The following ITK variants were observed in gnomAD, a reference collection of about 807,000 sequenced individuals.
The protein encoded by ITK is IL2 inducible T cell kinase, also known as tyrosine-protein kinase ITK/TSK.
ITK carries 45 observed loss-of-function variants against 87.6 expected under a neutral mutation model. That is an observed-to-expected ratio of 0.51 (90% CI 0.40 to 0.66). The LOEUF is 0.66. Ranked by LOEUF, ITK falls within the 30% of genes least tolerant of loss-of-function variation. The pLI is 0.00. For missense variants in ITK, 605 were observed against 766.3 expected, an observed-to-expected ratio of 0.79 and a Z score of 2.48; for synonymous variants, 303 against 273.6, an observed-to-expected ratio of 1.11 and a Z score of -1.06.
At chr5:157,225,393 T>C (rs1301645549) in intron 6 of ITK, among the ~76,000 whole-genome samples, 2 of 152,068 alleles carry the variant, frequency 1.3e-5, no homozygotes, top group East Asian at 3.8e-4. Flanking sequence ...AAATTTACCT[T>C]CCTGCTAACA....
intron 8 of ITK, among the ~76,000 whole-genome samples, chr5:157,236,922 A>G (rs1754786491): frequency 6.6e-6 from 1 of 152,186 alleles, no homozygotes; most frequent in African/African-American, 2.4e-5. Flanking sequence ...AAAGGGCCTA[A>G]GAAATATATT....
Position 157,207,377 on chromosome 5 carries a change from C to CTTTT in ITK, c.139-1488_139-1485dup, listed in dbSNP as rs536290068. Among the ~76,000 whole-genome samples, 366 of 59,126 alleles carry CTTTT rather than the reference C, an allele frequency of 6.2e-3. 76 individuals carry two copies. Among genetic ancestry groups the CTTTT allele is most frequent in the South Asian group, 0.016 (16 of 992 alleles). The allele number at this position is 59,126 out of a possible 152,430, so 38.8% of individuals were successfully genotyped here. ...CTTTATCACGTATCTAGATACGTCTCTTTTTTTTTTTTTTTTTTTTTTTTT... is the reference window on the plus strand; with the variant it reads ...CTTTATCACGTATCTAGATACGTCTCTTTTTTTTTTTTTTTTTTTTTTTTTTTTT... On this transcript the variant is annotated intron_variant, in intron 1 of 16. Coordinates refer to ENST00000422843, the MANE Select transcript of ITK (RefSeq NM_005546.4).
At chr5:157,183,176 T>C (rs1193741750) in intron 1 of ITK, among the ~76,000 whole-genome samples, 1 of 152,138 alleles carries the variant, frequency 6.6e-6, no homozygotes, top group East Asian at 1.9e-4. Flanking sequence ...CCAAGTTCCC[T>C]GAAAAAGGTA....
chr5:157,233,771 A>G (rs1330577105), intron 8 of ITK, among the ~76,000 whole-genome samples: 2 of 151,524 alleles, frequency 1.3e-5, no homozygotes, highest in Non-Finnish European at 2.9e-5. Context: ...GTTTTGTTAT[A>G]TTAATCACAC....
chr5:157,208,895 C>A lies in ITK; in HGVS notation c.145C>A (p.Arg49Ser). The A allele has an allele frequency of 3.1e-6, 5 of 1,611,330 alleles. No homozygotes were observed. Among genetic ancestry groups the A allele is most frequent in the Non-Finnish European group, 4.2e-6 (5 of 1,177,542 alleles). Residue 49 changes from arginine to serine, a missense_variant, in exon 2 of 17, where the codon CGC becomes AGC. Physicochemically the swap from Arg to Ser is moderately radical, Grantham distance 110. Transcript: ENST00000422843. The part of the protein sequence containing the change: ...AYFEDRHGKK[R>S]TLKGSIELSR... ...TGTTCTTCTCTCCCCACAGAAGAAG[C>A]GCACGCTGAAGGGGTCCATTGAGCT...
In ITK at chr5:157,184,847, C is replaced by T. The variant is rs185530473; in HGVS notation, c.138+3732C>T. 6.1e-3 allele frequency among the ~76,000 whole-genome samples: 927 copies of T among 152,278 alleles called. 10 individuals carry two copies. The highest frequency in any genetic ancestry group is 0.021 in the African/African-American group (890 of 41,536). On this transcript the variant is annotated intron_variant, in intron 1 of 16. Transcript: ENST00000422843. ...CCCTCTGGAGAACTGGAAAGGTTCTCCTATTTTGATGACTCTTTGCCCCTT... is the reference window on the plus strand; with the variant it reads ...CCCTCTGGAGAACTGGAAAGGTTCTTCTATTTTGATGACTCTTTGCCCCTT...
chr5:157,240,941 C>CTTTT (rs35181977), intron 10 of ITK: 37 of 139,186 alleles, frequency 2.7e-4, no homozygotes, highest in Admixed American at 5.1e-4. Context: ...TCTTTTCTTT[C>CTTTT]TTTTTTTTTT....
chr5:157,219,182 G>A (rs952447680), intron 5 of ITK, among the ~76,000 whole-genome samples: 56 of 148,890 alleles, frequency 3.8e-4, no homozygotes, highest in Admixed American at 8.1e-4. Context: ...GCGTGATCTC[G>A]GCTCACTGCA....
chr5:157,239,951 C>A (rs1754854427), intron 9 of ITK, 111 bp from the exon 10 acceptor site: 1 of 1,081,798 alleles, frequency 9.2e-7, no homozygotes. Flanking sequence ...ATATCTGCCA[C>A]CTTGTGAGAG....
At chr5:157,193,377 TACAAGCATG>T (rs1256886683) in intron 1 of ITK, among the ~76,000 whole-genome samples, 1 of 152,140 alleles carries the variant, frequency 6.6e-6, no homozygotes, top group Non-Finnish European at 1.5e-5. Context: ...GTTGTCAAAA[TACAAGCATG>T]ACCCCAAGAA....
At chr5:157,185,041 T>C (rs1293075047) in intron 1 of ITK, among the ~76,000 whole-genome samples, 1 of 152,158 alleles carries the variant, frequency 6.6e-6, no homozygotes, top group East Asian at 1.9e-4. Flanking sequence ...AACCATCTCC[T>C]GCTTGCAGCA....
intron 4 of ITK, among the ~76,000 whole-genome samples, chr5:157,214,568 T>C (rs1461741336): frequency 1.3e-5 from 2 of 152,032 alleles, no homozygotes; most frequent in Non-Finnish European, 2.9e-5. Context: ...TAGGAGTTAG[T>C]TAGAAATGCA....
chr5:157,213,117 G>A (rs2113755034), intron 3 of ITK, among the ~76,000 whole-genome samples: 1 of 152,258 alleles, frequency 6.6e-6, no homozygotes, highest in South Asian at 2.1e-4. Flanking sequence ...TGTATGGCTG[G>A]GAGGCCTCAG....
chr5:157,232,983 C>T (rs1463782618), intron 8 of ITK, among the ~76,000 whole-genome samples: 1 of 152,204 alleles, frequency 6.6e-6, no homozygotes, highest in Non-Finnish European at 1.5e-5. Flanking sequence ...ATTTCATCAA[C>T]AGTTATCCTC....
At chr5:157,236,966 G>A (rs1754787986) in intron 8 of ITK, among the ~76,000 whole-genome samples, 1 of 152,102 alleles carries the variant, frequency 6.6e-6, no homozygotes, top group Admixed American at 6.5e-5. Flanking sequence ...CTGTTGGTAG[G>A]AATGTTCATT....
intron 10 of ITK, chr5:157,240,550 A>C (rs907895571): frequency 1.2e-4 from 40 of 347,366 alleles, no homozygotes; most frequent in Non-Finnish European, 2.0e-4. Context: ...TTGAATTGCT[A>C]TCAAGGAATA....
In ITK at chr5:157,222,998, G is replaced by C. The variant is rs142038079; in HGVS notation, c.631G>C (p.Val211Leu). Residue 211 changes from valine (V) to leucine (L), a missense_variant, in exon 6 of 17, where the codon GTC becomes CTC. This residue lies in a region of ITK where 464 missense variants were observed against 578.0 expected (regional missense o/e 0.80). Coordinates refer to ENST00000422843, the MANE Select transcript of ITK (RefSeq NM_005546.4). ...CAGTTCTGAGATTCACTGGTGGAGA[G>C]TCCAGGACAGGAATGGGTAAGTCAT... ...LDSSEIHWWR[V>L]QDRNGHEGYV... is the part of the protein sequence containing the mutation. 93 of 1,614,148 alleles carry C rather than the reference G, an allele frequency of 5.8e-5. No homozygotes were observed. In the African/African-American group the frequency reaches 1.1e-3, roughly 19 times the overall value.
chr5:157,236,829 A>T lies in ITK; in HGVS notation c.769-1280A>T, dbSNP rs934402291. On this transcript the variant is annotated intron_variant, in intron 8 of 16. Transcript: ENST00000422843. The stretch of plus-strand genomic sequence containing the variant: ...GTGGCGAAAGTTACATTCTCAGGGC[A>T]CTCCCTTCTTCCCACCTCTCTCATG... Among the ~76,000 whole-genome samples, 3 of 151,412 alleles carry T rather than the reference A, an allele frequency of 2.0e-5. No homozygotes were observed. In the East Asian group the frequency reaches 5.8e-4, roughly 29 times the overall value.
At chr5:157,214,414 T>G in intron 4 of ITK, 95 bp downstream of exon 4, 2 of 1,007,186 alleles carry the variant, frequency 2.0e-6, no homozygotes, top group Non-Finnish European at 3.2e-6. Flanking sequence ...AGGAACAGAA[T>G]GCAAAATTCT....
Sources: gnomAD v4.1 joint callset for allele counts (sites outside exome capture counted in the v4.1 genomes callset) on GRCh38, gnomAD v4.1.1 for gene constraint, gnomAD v4.1.1 regional missense constraint, MANE v1.5 for transcripts, NCBI Gene and HGNC (gene_info 2026-07-23, HGNC 2026-07-21) for gene names.